The following SMIM35 variants were observed in gnomAD, a reference collection of about 807,000 sequenced individuals.
SMIM35 encodes small integral membrane protein 35, also known as TMPRSS4 antisense RNA 1 (non-protein coding).
chr11:118,083,772 T>C (rs1301416855), intron 1 of SMIM35, among the ~76,000 whole-genome samples: 2 of 152,180 alleles, frequency 1.3e-5, no homozygotes, highest in Non-Finnish European at 2.9e-5. Context: ...TACTGTACTC[T>C]TGGCTGGGTG....
chr11:118,058,940 G>A (rs999855195), intron 1 of SMIM35, among the ~76,000 whole-genome samples: 1 of 152,220 alleles, frequency 6.6e-6, no homozygotes, highest in African/African-American at 2.4e-5. Context: ...AGGGGCAAGC[G>A]ACAAATGCAT....
chr11:118,017,312 G>C (rs997677125), intron 1 of SMIM35, among the ~76,000 whole-genome samples: 28 of 152,176 alleles, frequency 1.8e-4, no homozygotes, highest in African/African-American at 6.5e-4. Flanking sequence ...GAGCTGGGCT[G>C]AGCTCCAAGA....
At chr11:118,036,212 A>G (rs1333970661) in intron 1 of SMIM35, among the ~76,000 whole-genome samples, 1 of 152,202 alleles carries the variant, frequency 6.6e-6, no homozygotes, top group Non-Finnish European at 1.5e-5. Context: ...TTAAAAAACC[A>G]TAAAATTGAT....
intron 1 of SMIM35, among the ~76,000 whole-genome samples, chr11:118,048,045 G>T (rs1418286350): frequency 6.6e-6 from 1 of 152,168 alleles, no homozygotes; most frequent in Admixed American, 6.5e-5. Flanking sequence ...GGGTGCATCC[G>T]TTGGTAACAT....
chr11:118,048,960 A>AAAAAAAAAAAAAAAAAAAAAAAC (rs1944160634), intron 1 of SMIM35, among the ~76,000 whole-genome samples: 2 of 151,444 alleles, frequency 1.3e-5, no homozygotes, highest in Admixed American at 6.6e-5. Context: ...AAAAAAAAAA[A>AAAAAAAAAAAAAAAAAAAAAAAC]AAAAGCAAGT....
Position 118,054,085 on chromosome 11 carries a change from T to A in SMIM35, c.7+32666A>T, listed in dbSNP as rs182923336. 2.6e-4 allele frequency among the ~76,000 whole-genome samples: 40 copies of A among 152,306 alleles called. No homozygotes were observed. The East Asian group carries it at 6.9e-3, about 26-fold the overall frequency. The stretch of plus-strand genomic sequence containing the variant: ...TTCATCTTTGCATCATTTGCAAGAC[T>A]GGAGGTATAAGTTATATAGACTTTT... On this transcript the variant is annotated intron_variant, in intron 1 of 4. Coordinates refer to ENST00000689828, the MANE Select transcript of SMIM35 (RefSeq NM_001394165.1).
At chr11:118,012,887 A>G (rs139617030) in intron 4 of SMIM35, among the ~76,000 whole-genome samples, 1 of 152,324 alleles carries the variant, frequency 6.6e-6, no homozygotes, top group African/African-American at 2.4e-5. Context: ...AAGGGCAGGT[A>G]ACTGGAGATA....
chr11:118,083,782 G>A (rs1289191110), intron 1 of SMIM35, among the ~76,000 whole-genome samples: 2 of 152,140 alleles, frequency 1.3e-5, no homozygotes, highest in Non-Finnish European at 2.9e-5. Flanking sequence ...TTGGCTGGGT[G>A]CAGTGGCTCA....
At chr11:118,038,450 C>T (rs1943946165) in intron 1 of SMIM35, among the ~76,000 whole-genome samples, 1 of 152,056 alleles carries the variant, frequency 6.6e-6, no homozygotes, top group African/African-American at 2.4e-5. Flanking sequence ...TAAAATGTTA[C>T]TTTTCTATAT....
chr11:118,068,359 C>T (rs1944517173), intron 1 of SMIM35, among the ~76,000 whole-genome samples: 1 of 152,080 alleles, frequency 6.6e-6, no homozygotes, highest in East Asian at 1.9e-4. Context: ...GTGCTCTTTC[C>T]TCTTAGAGTT....
chr11:118,045,995 CG>C (rs960211061), intron 1 of SMIM35, among the ~76,000 whole-genome samples: 8 of 152,162 alleles, frequency 5.3e-5, no homozygotes, highest in South Asian at 2.1e-4. Flanking sequence ...TTAAGTGAGA[CG>C]TGTATGTGAA....
At chr11:118,068,984 G>A (rs1020135172) in intron 1 of SMIM35, among the ~76,000 whole-genome samples, 1 of 152,186 alleles carries the variant, frequency 6.6e-6, no homozygotes, top group African/African-American at 2.4e-5. Flanking sequence ...CTTCCAACAG[G>A]TTCAACCCAA....
chr11:118,015,935 G>C (rs2058179272), intron 1 of SMIM35, 126 bp from the exon 2 acceptor site: 3 of 397,692 alleles, frequency 7.5e-6, no homozygotes, highest in Non-Finnish European at 1.3e-5. Context: ...GCCTTGCTCT[G>C]AGCCCAGTGA....
rs1826769003 is a variant in SMIM35 at position 118,075,921 on chromosome 11, C to T, written c.7+10830G>A. Among the ~76,000 whole-genome samples, 5 of 65,462 alleles carry T rather than the reference C, an allele frequency of 7.6e-5. 1 individual carries two copies. In the South Asian group the frequency reaches 1.5e-3, roughly 19 times the overall value. 42.9% of individuals were successfully genotyped at this position (65,462 alleles called of 152,430 possible). A position where few individuals can be genotyped will look rare whatever the true frequency, so the allele number is the denominator to read the frequency against. ...GCTGTAAGGTTTCACCTTGCACATCCCCTGGCCAGGGGGCAGCTCCAGCTA... is the reference window on the plus strand; with the variant it reads ...GCTGTAAGGTTTCACCTTGCACATCTCCTGGCCAGGGGGCAGCTCCAGCTA... On this transcript the variant is annotated intron_variant, in intron 1 of 4. Coordinates refer to ENST00000689828, the MANE Select transcript of SMIM35 (RefSeq NM_001394165.1).
chr11:118,016,788 C>A (rs1034596332), intron 1 of SMIM35, among the ~76,000 whole-genome samples: 3 of 152,180 alleles, frequency 2.0e-5, no homozygotes, highest in Non-Finnish European at 4.4e-5. Flanking sequence ...AAAAGAGATA[C>A]CACATGTAGA....
In SMIM35 at chr11:118,025,343, A is replaced by C. The variant is rs2058266165; in HGVS notation, c.8-9534T>G. On this transcript the variant is annotated intron_variant, in intron 1 of 4. Transcript: ENST00000689828. ...GTTTTGAGTTCCTTGAAAAATCTCC[A>C]AACTGCTTTCCACAGTGACTGAACT... 2 of 344,324 alleles carry C rather than the reference A, an allele frequency of 5.8e-6. 1 individual carries two copies. The allele number at this position is 344,324 out of a possible 1,614,324, so 21.3% of individuals were successfully genotyped here.
At chr11:118,086,354 G>C (rs1945554987) in intron 1 of SMIM35, among the ~76,000 whole-genome samples, 1 of 152,252 alleles carries the variant, frequency 6.6e-6, no homozygotes, top group East Asian at 1.9e-4. Flanking sequence ...TGGGGGATGA[G>C]GTGCTCGGCT....
chr11:118,008,970 G>C (rs1327289102), intron 4 of SMIM35, among the ~76,000 whole-genome samples: 1 of 152,196 alleles, frequency 6.6e-6, no homozygotes, highest in African/African-American at 2.4e-5. Flanking sequence ...ATAAAGTTAT[G>C]GGGGCCTGAG....
chr11:118,025,646 C>T (rs956558803), intron 1 of SMIM35: 1 of 443,816 alleles, frequency 2.3e-6, no homozygotes, highest in South Asian at 1.7e-5. Flanking sequence ...GTTATTTGGT[C>T]TTTGCTTGTC....
Sources: allele counts gnomAD v4.1 joint callset (sites outside exome capture counted in the v4.1 genomes callset), GRCh38; gene constraint gnomAD v4.1.1; transcripts MANE v1.5; gene names NCBI Gene and HGNC (gene_info 2026-07-23, HGNC 2026-07-21).